Variants in IDO2 observed in about 807,000 individuals in gnomAD.
IDO2 encodes the protein indoleamine 2,3-dioxygenase-like 1 protein.
In IDO2, 46 loss-of-function variants were observed where a neutral mutation model predicts 45.1. The ratio of observed to expected loss-of-function variants is 1.02; its 90% CI spans 0.80 to 1.30. The LOEUF (loss-of-function observed/expected upper bound fraction) is 1.30. Among genes scored for constraint, IDO2 ranks in the 50% most tolerant of loss-of-function variants. The pLI, the probability that IDO2 is intolerant of heterozygous loss-of-function variation, is 0.00. For missense variants in IDO2, 544 were observed against 491.8 expected (o/e 1.11, Z -1.00); for synonymous variants, 218 against 184.9 (o/e 1.18, Z -1.45).
At chr8:39,955,919 G>A (rs1036617369) in intron 2 of IDO2, among the ~76,000 whole-genome samples, 4 of 152,100 alleles carry the variant, frequency 2.6e-5, no homozygotes, top group Non-Finnish European at 4.4e-5. Flanking sequence ...TAAATATATT[G>A]TTGAACTCAA....
At chr8:39,997,257 A>G (rs1246377407) in intron 8 of IDO2, among the ~76,000 whole-genome samples, 1 of 152,230 alleles carries the variant, frequency 6.6e-6, no homozygotes, top group Admixed American at 6.5e-5. Context: ...GAAAATAAGA[A>G]ACTGTCTACA....
intron 3 of IDO2, among the ~76,000 whole-genome samples, chr8:39,976,006 G>A (rs1029772651): frequency 1.3e-5 from 2 of 152,104 alleles, no homozygotes; most frequent in African/African-American, 4.8e-5. Flanking sequence ...TTGAGATGGT[G>A]TCTCACTTTG....
chr8:39,948,579 G>A (rs1021459155), intron 1 of IDO2, among the ~76,000 whole-genome samples: 16 of 152,178 alleles, frequency 1.1e-4, no homozygotes, highest in Admixed American at 1.0e-3. Flanking sequence ...TCACTAACGC[G>A]ACATTTTGAT....
At chr8:39,983,658 G>A (rs1463438845) in intron 5 of IDO2, among the ~76,000 whole-genome samples, 1 of 152,116 alleles carries the variant, frequency 6.6e-6, no homozygotes. Flanking sequence ...GAGGTCAGGA[G>A]TTGAAGACCA....
chr8:39,956,241 T>C (rs1451199107), intron 2 of IDO2, among the ~76,000 whole-genome samples: 1 of 152,060 alleles, frequency 6.6e-6, no homozygotes, highest in East Asian at 1.9e-4. Context: ...GTATCCTTTT[T>C]AGTAAAGACG....
At chr8:39,977,750 C>T (rs928980938) in intron 3 of IDO2, among the ~76,000 whole-genome samples, 4 of 152,192 alleles carry the variant, frequency 2.6e-5, no homozygotes, top group Admixed American at 2.0e-4. Context: ...CTGTGCCTCC[C>T]CTGCAAGCCT....
At chr8:39,982,522 C>G in intron 4 of IDO2, 130 bp from the exon 5 acceptor site, 1 of 612,718 alleles carries the variant, frequency 1.6e-6, no homozygotes, top group East Asian at 2.8e-5. Context: ...GTGCATCACT[C>G]AGGTAATTCA....
chr8:39,971,651 G>A (rs1238063487), intron 3 of IDO2, among the ~76,000 whole-genome samples: 1 of 152,160 alleles, frequency 6.6e-6, no homozygotes, highest in Non-Finnish European at 1.5e-5. Context: ...AACATTAATA[G>A]GAGTTTGCAA....
intron 5 of IDO2, among the ~76,000 whole-genome samples, chr8:39,984,143 G>T (rs773014995): frequency 4.5e-4 from 68 of 152,270 alleles, no homozygotes; most frequent in Non-Finnish European, 7.2e-4. Flanking sequence ...ATAAGAGAAG[G>T]TTGAAGGGAA....
At chr8:39,981,972 G>A (rs2543069) in intron 4 of IDO2, among the ~76,000 whole-genome samples, 3 of 152,216 alleles carry the variant, frequency 2.0e-5, no homozygotes, top group Middle Eastern at 3.4e-3. Context: ...GTATTACTGG[G>A]TTTGACTTAT....
rs182687787 is a variant in IDO2 at position 40,001,790 on chromosome 8, T to G, written c.668-3537T>G. ...TCCCATCATCATAAGTCATAAATAC[T>G]TTTTTGTTGTTGTTGAGACAGAATC... is the stretch of plus-strand genomic sequence containing the variant. On this transcript the variant is annotated intron_variant, in intron 8 of 10. Transcript: ENST00000502986. Among the ~76,000 whole-genome samples the G allele has an allele frequency of 3.9e-3, 588 of 152,268 alleles. 3 individuals carry two copies. The highest frequency in any genetic ancestry group is 0.013 in the African/African-American group (548 of 41,556).
intron 3 of IDO2, among the ~76,000 whole-genome samples, chr8:39,977,706 C>T (rs1344054062): frequency 6.6e-6 from 1 of 152,210 alleles, no homozygotes; most frequent in African/African-American, 2.4e-5. Flanking sequence ...CGAAACAAAA[C>T]AAGTAACATC....
At chr8:39,955,651 G>A (rs545085626) in intron 2 of IDO2, among the ~76,000 whole-genome samples, 2 of 151,994 alleles carry the variant, frequency 1.3e-5, no homozygotes, top group African/African-American at 4.8e-5. Flanking sequence ...GCTTAGACTC[G>A]AATCTACCCA....
chr8:39,969,789 C>T (rs780095760), intron 3 of IDO2, among the ~76,000 whole-genome samples: 3 of 151,480 alleles, frequency 2.0e-5, no homozygotes, highest in Non-Finnish European at 2.9e-5. Context: ...GCAGAACAAT[C>T]GTTTGAACCC....
At chr8:39,992,731 A>G (rs1164260881) in intron 8 of IDO2, among the ~76,000 whole-genome samples, 5 of 152,144 alleles carry the variant, frequency 3.3e-5, no homozygotes, top group Admixed American at 1.3e-4. Context: ...CTCTGCTTCC[A>G]TTCCCCAAAA....
chr8:39,985,387 C>T (rs933742990), intron 5 of IDO2, 121 bp from the exon 6 acceptor site: 39 of 832,530 alleles, frequency 4.7e-5, no homozygotes, highest in Non-Finnish European at 7.0e-5. Flanking sequence ...GCCTTGCACA[C>T]AAGTGTGCAT....
intron 9 of IDO2, among the ~76,000 whole-genome samples, chr8:40,012,148 T>C (rs1802319007): frequency 6.6e-6 from 1 of 152,194 alleles, no homozygotes; most frequent in Non-Finnish European, 1.5e-5. Flanking sequence ...GGCTTTTATA[T>C]GTGTATATGG....
At chr8:39,986,948 C>G (rs1343314060) in intron 6 of IDO2, 3 of 151,870 alleles carry the variant, frequency 2.0e-5, no homozygotes, top group East Asian at 1.9e-4. Context: ...CATCTCGGCT[C>G]TCTGCAACCT....
intron 3 of IDO2, among the ~76,000 whole-genome samples, chr8:39,964,818 A>G (rs942956792): frequency 1.3e-4 from 20 of 152,254 alleles, no homozygotes; most frequent in African/African-American, 4.3e-4. Context: ...ATGGAATAAA[A>G]ATTTAAAGGA....
Sources: gnomAD v4.1 joint callset for allele counts (sites outside exome capture counted in the v4.1 genomes callset) on GRCh38, gnomAD v4.1.1 for gene constraint, MANE v1.5 for transcripts, NCBI Gene and HGNC (gene_info 2026-07-23, HGNC 2026-07-21) for gene names.